The following DAZAP1 variants were observed in gnomAD, a reference collection of about 807,000 sequenced individuals.
DAZAP1 encodes the protein DAZ associated protein 1, also known as DAZ-associated protein 1.
In DAZAP1, 6 loss-of-function variants were observed where a neutral mutation model predicts 60.1. The observed-to-expected ratio is 0.10, with a 90% CI of 0.05 to 0.20. The LOEUF is 0.20. Among genes scored for constraint, DAZAP1 ranks in the 10% least tolerant of loss-of-function variants. DAZAP1 has a pLI of 1.00. For synonymous variants in DAZAP1, 235 were observed against 215.9 expected, an observed-to-expected ratio of 1.09 and a Z score of -0.78; for missense variants, 366 against 560.4, an observed-to-expected ratio of 0.65 and a Z score of 3.50.
rs2083528083 is a variant in DAZAP1 at position 1,434,025 on chromosome 19, A to C, written c.1049-712A>C. 2 of 593,790 alleles carry C rather than the reference A, an allele frequency of 3.4e-6. No individual in the cohort carries two copies. Among genetic ancestry groups the C allele is most frequent in the Non-Finnish European group, 6.0e-6 (2 of 334,770 alleles). The allele number at this position is 593,790 out of a possible 1,614,324, so 36.8% of individuals were successfully genotyped here. On this transcript the variant is annotated intron_variant, in intron 11 of 11. Coordinates refer to ENST00000233078, the MANE Select transcript of DAZAP1 (RefSeq NM_018959.4). This position sits in a 1 kb window ranked among gnomAD's most constrained non-coding sequence, Gnocchi z 8.0. ...AGAGAGCCCACGCCCACCTGTGCCC[A>C]CGTGCACCCGAATGGGAACCCAGAG...
Position 1,434,085 on chromosome 19 carries a change from G to A in DAZAP1, c.1049-652G>A. The A allele has an allele frequency of 3.7e-6, 2 of 541,818 alleles. No individual in the cohort carries two copies. The highest frequency in any genetic ancestry group is 3.2e-5 in the Admixed American group (1 of 31,104). 33.6% of individuals were successfully genotyped at this position (541,818 alleles called of 1,614,324 possible). ...GGGGCTTCCTGCAAGGTGTGCAGCG[G>A]GGTGGGGAGCGGCGTGAGCAGCTCT... is the stretch of plus-strand genomic sequence containing the variant. On this transcript the variant is annotated intron_variant, in intron 11 of 11. Transcript: ENST00000233078. The surrounding 1 kb of genome is among the most constrained non-coding windows in gnomAD (Gnocchi z 8.0).
In DAZAP1 at chr19:1,419,120, G is replaced by A. The variant is rs562559517; in HGVS notation, c.303+389G>A. ...GTCAGCTCGTGCTGGCCACTTTACT[G>A]CTCCACTTGAGATCCCCTGACGTGG... On this transcript the variant is annotated intron_variant, in intron 4 of 11. Coordinates refer to ENST00000233078, the MANE Select transcript of DAZAP1 (RefSeq NM_018959.4). 4.3e-4 allele frequency among the ~76,000 whole-genome samples: 66 copies of A among 152,302 alleles called. 1 individual carries two copies. The South Asian group carries it at 0.013, about 31-fold the overall frequency.
chr19:1,411,132 G>C (rs750040439), intron 1 of DAZAP1, among the ~76,000 whole-genome samples: 1 of 152,238 alleles, frequency 6.6e-6, no homozygotes, highest in Non-Finnish European at 1.5e-5. Flanking sequence ...GCCGTGATCT[G>C]GGGGAGGCTG....
chr19:1,432,318 T>C lies in DAZAP1; in HGVS notation c.872-196T>C. The stretch of plus-strand genomic sequence containing the variant: ...GCATCCCGCCACGCTCCCAGGAGTG[T>C]GTGTTTCCTGGGGGGAGCGGCCCGG... On this transcript the variant is annotated intron_variant, in intron 10 of 11. Coordinates refer to ENST00000233078, the MANE Select transcript of DAZAP1 (RefSeq NM_018959.4). This position sits in a 1 kb window ranked among gnomAD's most constrained non-coding sequence, Gnocchi z 4.9. 1.6e-6 allele frequency: 1 copy of C among 630,300 alleles called. No individual in the cohort carries two copies. The highest frequency in any genetic ancestry group is 2.8e-6 in the Non-Finnish European group (1 of 355,856). The allele number at this position is 630,300 out of a possible 1,614,324, so 39.0% of individuals were successfully genotyped here.
At position 1,422,513 on chromosome 19, in the gene DAZAP1, A is replaced by G. The variant is rs986017567; in HGVS notation, c.463+117A>G. ...CTGTAGCAAACAGCCTCAGGAAGGGACGATTTGGAGACAAATGACTAAAAC... is the reference window on the plus strand; with the variant it reads ...CTGTAGCAAACAGCCTCAGGAAGGGGCGATTTGGAGACAAATGACTAAAAC... On this transcript the variant is annotated intron_variant, in intron 6 of 11. Transcript: ENST00000233078. The surrounding 1 kb of genome is among the most constrained non-coding windows in gnomAD (Gnocchi z 4.5). The G allele has an allele frequency of 2.2e-6, 2 of 912,708 alleles. No individual in the cohort carries two copies. The highest frequency in any genetic ancestry group is 3.4e-6 in the Non-Finnish European group (2 of 581,732). The allele number at this position is 912,708 out of a possible 1,614,324, so 56.5% of individuals were successfully genotyped here.
At chr19:1,408,292 C>G (rs910174666) in intron 1 of DAZAP1, among the ~76,000 whole-genome samples, 1 of 151,928 alleles carries the variant, frequency 6.6e-6, no homozygotes, top group Non-Finnish European at 1.5e-5. Context: ...GTAGGGCTTC[C>G]TGGCCTGGGG....
At chr19:1,419,970 A>C (rs1372151755) in intron 4 of DAZAP1, among the ~76,000 whole-genome samples, 37 of 61,716 alleles carry the variant, frequency 6.0e-4, no homozygotes, top group East Asian at 1.1e-3. Context: ...CCATCCCTAC[A>C]GTCACGGCGG....
At position 1,435,056 on chromosome 19, in the gene DAZAP1, T is replaced by C. The variant is rs2083564999; in HGVS notation, c.*144T>C. 1 of 505,750 alleles carries C rather than the reference T, an allele frequency of 2.0e-6. No individual in the cohort carries two copies. Among genetic ancestry groups the C allele is most frequent in the African/African-American group, 2.2e-5 (1 of 46,132 alleles). 31.3% of individuals were successfully genotyped at this position (505,750 alleles called of 1,614,324 possible). A position where few individuals can be genotyped will look rare whatever the true frequency, so the allele number is the denominator to read the frequency against. ...GGGCGCGAGGCTTTTGGAGCGGCTG[T>C]GGGTGTCGTCTGGACTGAGGTTTTT... On this transcript the variant is annotated 3_prime_UTR_variant, in exon 12 of 12. Transcript: ENST00000233078.
Position 1,433,533 on chromosome 19 carries a change from C to T in DAZAP1, c.1048+843C>T. On this transcript the variant is annotated intron_variant, in intron 11 of 11. Transcript: ENST00000233078. This position sits in a 1 kb window ranked among gnomAD's most constrained non-coding sequence, Gnocchi z 6.1. Reference sequence around the variant, plus strand: ...CCGAGGTGCCCGCCCACCCACCTCGCATGGCTGTGGTTCCCCTGCCCCCAC... The same window carrying T: ...CCGAGGTGCCCGCCCACCCACCTCGTATGGCTGTGGTTCCCCTGCCCCCAC... 2 of 575,920 alleles carry T rather than the reference C, an allele frequency of 3.5e-6. No individual in the cohort carries two copies. Among genetic ancestry groups the T allele is most frequent in the East Asian group, 2.9e-5 (1 of 34,324 alleles). 35.7% of individuals were successfully genotyped at this position (575,920 alleles called of 1,614,324 possible).
In DAZAP1 at chr19:1,418,838, C is replaced by T; in HGVS notation, c.303+107C>T. Reference sequence around the variant, plus strand: ...TCGCTCGTTAAGATTGAGGGCGACGCAGGTCTTCTGGGTTGGCACTCGAGC... The same window carrying T: ...TCGCTCGTTAAGATTGAGGGCGACGTAGGTCTTCTGGGTTGGCACTCGAGC... On this transcript the variant is annotated intron_variant, in intron 4 of 11. Transcript: ENST00000233078. This position sits in a 1 kb window ranked among gnomAD's most constrained non-coding sequence, Gnocchi z 5.7. The T allele has an allele frequency of 8.3e-7, 1 of 1,208,154 alleles. No individual in the cohort carries two copies. The highest frequency in any genetic ancestry group is 1.2e-6 in the Non-Finnish European group (1 of 860,318). The allele number at this position is 1,208,154 out of a possible 1,614,324, so 74.8% of individuals were successfully genotyped here.
rs2083199041 is a variant in DAZAP1, at chr19:1,422,855, T to TCTTTTC, written c.463+464_463+465insCCTTTT. ...TTCTTTTTTCCTTTTCTTTTCTTTTTCTTTTTTTTCAGTTTTCTCCCCTCT... is the reference window on the plus strand; with the variant it reads ...TTCTTTTTTCCTTTTCTTTTCTTTTTCTTTTCCTTTTTTTTCAGTTTTCTCCCCTCT... On this transcript the variant is annotated intron_variant, in intron 6 of 11. Coordinates refer to ENST00000233078, the MANE Select transcript of DAZAP1 (RefSeq NM_018959.4). This position sits in a 1 kb window ranked among gnomAD's most constrained non-coding sequence, Gnocchi z 4.5. Among the ~76,000 whole-genome samples, 3 of 152,016 alleles carry TCTTTTC rather than the reference T, an allele frequency of 2.0e-5. No individual in the cohort carries two copies. The highest frequency in any genetic ancestry group is 6.5e-5 in the Admixed American group (1 of 15,276).
intron 8 of DAZAP1, among the ~76,000 whole-genome samples, chr19:1,429,334 T>C (rs1194689694): frequency 6.6e-6 from 1 of 152,242 alleles, no homozygotes; most frequent in Non-Finnish European, 1.5e-5. Context: ...ATTGCCAAGC[T>C]GAGCTCAGAA....
Position 1,434,789 on chromosome 19 carries a change from C to G in DAZAP1, c.1101C>G (p.Ser367Arg). The G allele has an allele frequency of 5.0e-6, 8 of 1,612,938 alleles. No homozygotes were observed. The highest frequency in any genetic ancestry group is 6.8e-6 in the Non-Finnish European group (8 of 1,179,514). The change falls in exon 12 of 12, where the codon AGC becomes AGG. Residue 367 changes from serine (S) to arginine (R), a missense_variant. Physicochemically the swap from Ser to Arg is moderately radical, Grantham distance 110. This residue lies in a region of DAZAP1 where 240 missense variants were observed against 308.8 expected (regional missense o/e 0.78). Coordinates refer to ENST00000233078, the MANE Select transcript of DAZAP1 (RefSeq NM_018959.4). The surrounding 1 kb of genome is among the most constrained non-coding windows in gnomAD (Gnocchi z 8.0). Reference protein sequence around the residue: ...SGFGQGFSDPSQQPPSYGGPS... With the variant: ...SGFGQGFSDPRQQPPSYGGPS... ...TCGGACAGGGCTTCTCAGACCCCAG[C>G]CAGCAGCCTCCTTCCTACGGGGGTC...
chr19:1,409,146 T>TG (rs1316070314), intron 1 of DAZAP1, among the ~76,000 whole-genome samples: 3 of 152,120 alleles, frequency 2.0e-5, no homozygotes, highest in African/African-American at 7.2e-5. Flanking sequence ...GCCCGTGCTG[T>TG]GAGTCCTCTC....
At position 1,418,074 on chromosome 19, in the gene DAZAP1, C is replaced by A. The variant is rs79988128; in HGVS notation, c.71-130C>A. Reference sequence around the variant, plus strand: ...TCCCCAGCGCTTCCCGTACACCCCCCACCCCCAGTGCAGCATCGCTCGGTG... The same window carrying A: ...TCCCCAGCGCTTCCCGTACACCCCCAACCCCCAGTGCAGCATCGCTCGGTG... On this transcript the variant is annotated intron_variant, in intron 2 of 11. Coordinates refer to ENST00000233078, the MANE Select transcript of DAZAP1 (RefSeq NM_018959.4). The surrounding 1 kb of genome is among the most constrained non-coding windows in gnomAD (Gnocchi z 5.7). The A allele has an allele frequency of 5.6e-6, 5 of 899,878 alleles. No homozygotes were observed. The highest frequency in any genetic ancestry group is 6.8e-6 in the Non-Finnish European group (4 of 584,384). The allele number at this position is 899,878 out of a possible 1,614,324, so 55.7% of individuals were successfully genotyped here.
At chr19:1,414,312 C>T (rs1266695274) in intron 1 of DAZAP1, among the ~76,000 whole-genome samples, 4 of 152,116 alleles carry the variant, frequency 2.6e-5, no homozygotes, top group Non-Finnish European at 5.9e-5. Flanking sequence ...GCCAGTGCAC[C>T]CATCCCCACT....
rs1424044558 is a variant in DAZAP1, at chr19:1,407,647, G to GCCT, written c.-125_-124insTCC. On this transcript the variant is annotated 5_prime_UTR_variant, in exon 1 of 12. Coordinates refer to ENST00000233078, the MANE Select transcript of DAZAP1 (RefSeq NM_018959.4). The stretch of plus-strand genomic sequence containing the variant: ...CGCCGCCGCCGCCGCCGCCGCCGCC[G>GCCT]CCGCCGCCGCCGCCGTTGCGCAGAT... 3.2e-6 allele frequency: 3 copies of GCCT among 933,560 alleles called. No individual in the cohort carries two copies. The Admixed American group carries it at 1.8e-4, about 57-fold the overall frequency. The allele number at this position is 933,560 out of a possible 1,614,324, so 57.8% of individuals were successfully genotyped here.
rs776522750 is a variant in DAZAP1, at chr19:1,432,721, G to A, written c.1048+31G>A. The A allele has an allele frequency of 1.9e-5, 30 of 1,561,036 alleles. No individual in the cohort carries two copies. Among genetic ancestry groups the A allele is most frequent in the South Asian group, 4.8e-5 (4 of 82,770 alleles). On this transcript the variant is annotated intron_variant, in intron 11 of 11. Transcript: ENST00000233078. This position sits in a 1 kb window ranked among gnomAD's most constrained non-coding sequence, Gnocchi z 4.9. ...TGGTCTCCTGCCATGCCGCGTCCCC[G>A]CTGGCCCCAGGACCCTGGGCACGGC...
rs2083185637 is a variant in DAZAP1, at chr19:1,422,466, G to A, written c.463+70G>A. The A allele has an allele frequency of 2.7e-6, 4 of 1,466,392 alleles. No individual in the cohort carries two copies. Among genetic ancestry groups the A allele is most frequent in the African/African-American group, 1.4e-5 (1 of 71,794 alleles). The allele number at this position is 1,466,392 out of a possible 1,614,324, so 90.8% of individuals were successfully genotyped here. A position where few individuals can be genotyped will look rare whatever the true frequency, so the allele number is the denominator to read the frequency against. ...CCTCAGATGGCAAACTATCTCACCCGCCAGGCACACACAGGTGGCGGCTGT... is the reference window on the plus strand; with the variant it reads ...CCTCAGATGGCAAACTATCTCACCCACCAGGCACACACAGGTGGCGGCTGT... On this transcript the variant is annotated intron_variant, in intron 6 of 11. Coordinates refer to ENST00000233078, the MANE Select transcript of DAZAP1 (RefSeq NM_018959.4). The surrounding 1 kb of genome is among the most constrained non-coding windows in gnomAD (Gnocchi z 4.5).
Sources: gnomAD v4.1 joint callset for allele counts (sites outside exome capture counted in the v4.1 genomes callset) on GRCh38, gnomAD v4.1.1 for gene constraint, gnomAD v4.1.1 regional missense constraint, Gnocchi (gnomAD v3.1) non-coding constraint, MANE v1.5 for transcripts, NCBI Gene and HGNC (gene_info 2026-07-23, HGNC 2026-07-21) for gene names.